Variants in DPYSL5 observed in about 807,000 individuals in gnomAD.
DPYSL5 encodes the protein dihydropyrimidinase-related protein 5.
Under a neutral mutation model 58.4 loss-of-function variants are expected in DPYSL5, and 9 were observed. That is an observed-to-expected ratio of 0.15 (90% CI 0.09 to 0.27). DPYSL5 has a LOEUF of 0.27. DPYSL5 is among the 10% of genes least tolerant of loss of function. The probability of loss-of-function intolerance (pLI) is 1.00; values close to 1 mark genes in which losing one functional copy is unlikely to be tolerated. For missense variants in DPYSL5, 499 were observed against 770.6 expected (o/e 0.65, Z 4.17); for synonymous variants, 293 against 301.9 (o/e 0.97, Z 0.31).
At position 26,925,106 on chromosome 2, in the gene DPYSL5, GT is replaced by G; in HGVS notation, c.420+63del. On this transcript the variant is annotated intron_variant, in intron 3 of 12. Coordinates refer to ENST00000288699, the MANE Select transcript of DPYSL5 (RefSeq NM_020134.4). This position sits in a 1 kb window ranked among gnomAD's most constrained non-coding sequence, Gnocchi z 4.5. ...AGTGGTCTTGTAGGCAGAGGGGCTG[GT>G]TGGGGTGCAGTGCCTCCTGCTTGTG... The G allele has an allele frequency of 6.3e-7, 1 of 1,581,342 alleles. No homozygotes were observed. The highest frequency in any genetic ancestry group is 8.6e-7 in the Non-Finnish European group (1 of 1,161,388).
chr2:26,877,470 G>A lies in DPYSL5; in HGVS notation c.-4-21026G>A, dbSNP rs2148121732. Among the ~76,000 whole-genome samples the A allele has an allele frequency of 6.6e-6, 1 of 152,174 alleles. No individual in the cohort carries two copies. Among genetic ancestry groups the A allele is most frequent in the East Asian group, 1.9e-4 (1 of 5,172 alleles). On this transcript the variant is annotated intron_variant, in intron 1 of 12. Coordinates refer to ENST00000288699, the MANE Select transcript of DPYSL5 (RefSeq NM_020134.4). This position sits in a 1 kb window ranked among gnomAD's most constrained non-coding sequence, Gnocchi z 4.1. ...CCTGTTTTCTGTGCCTACTACATGT[G>A]CTCCACCCCACACCTGCTGAGTACA...
At chr2:26,939,681 A>C in intron 8 of DPYSL5, 1 of 206,322 alleles carries the variant, frequency 4.8e-6, no homozygotes, top group Non-Finnish European at 9.9e-6. Flanking sequence ...ATGAGAGGGA[A>C]TTGGTATACA....
At position 26,849,183 on chromosome 2, in the gene DPYSL5, T is replaced by A. The variant is rs971706601; in HGVS notation, c.-5+929T>A. 6.8e-6 allele frequency among the ~76,000 whole-genome samples: 1 copy of A among 147,342 alleles called. No homozygotes were observed. The highest frequency in any genetic ancestry group is 1.5e-5 in the Non-Finnish European group (1 of 66,904). On this transcript the variant is annotated intron_variant, in intron 1 of 12. Transcript: ENST00000288699. The surrounding 1 kb of genome is among the most constrained non-coding windows in gnomAD (Gnocchi z 6.2). ...CCGAAGAACGAGGGAAGGAGCTCGG[T>A]GCAGGTGGCGCCCGGCGAGGCTGGT...
At chr2:26,915,392 T>C (rs1664536927) in intron 2 of DPYSL5, among the ~76,000 whole-genome samples, 1 of 152,176 alleles carries the variant, frequency 6.6e-6, no homozygotes, top group African/African-American at 2.4e-5. Flanking sequence ...CATCGGAGAA[T>C]TGAACTGCAT....
intron 1 of DPYSL5, among the ~76,000 whole-genome samples, chr2:26,863,429 A>G (rs1311046884): frequency 6.6e-6 from 1 of 152,156 alleles, no homozygotes; most frequent in Non-Finnish European, 1.5e-5. Flanking sequence ...TGCTTCTCAA[A>G]TCTTGCCCAG....
chr2:26,940,938 T>TTATTA lies in DPYSL5; in HGVS notation c.1089+767_1089+768insATTAT, dbSNP rs373011154. ...CTGATTATTATTATTATTATTATTA[T>TTATTA]TTATTTTTTTTTGTGTGTGATAGAA... On this transcript the variant is annotated intron_variant, in intron 9 of 12. Transcript: ENST00000288699. 6.6e-3 allele frequency among the ~76,000 whole-genome samples: 268 copies of TTATTA among 40,384 alleles called. 1 individual carries two copies. The highest frequency in any genetic ancestry group is 0.014 in the African/African-American group (215 of 15,872). The allele number at this position is 40,384 out of a possible 152,430, so 26.5% of individuals were successfully genotyped here. A position where few individuals can be genotyped will look rare whatever the true frequency, so the allele number is the denominator to read the frequency against.
At chr2:26,891,236 G>A (rs1185808229) in intron 1 of DPYSL5, among the ~76,000 whole-genome samples, 9 of 152,192 alleles carry the variant, frequency 5.9e-5, no homozygotes, top group South Asian at 2.1e-4. Context: ...TGGGCATAGC[G>A]AAGGGCCCAG....
intron 1 of DPYSL5, among the ~76,000 whole-genome samples, chr2:26,892,104 T>G (rs1243582410): frequency 6.6e-6 from 1 of 152,218 alleles, no homozygotes; most frequent in Non-Finnish European, 1.5e-5. Flanking sequence ...CAGAGTTAAT[T>G]CCCTTAAGTC....
intron 1 of DPYSL5, among the ~76,000 whole-genome samples, chr2:26,873,483 T>A (rs1402245744): frequency 6.6e-6 from 1 of 152,150 alleles, no homozygotes; most frequent in Non-Finnish European, 1.5e-5. Context: ...ACTACTGGTA[T>A]GTAGTGGGGA....
intron 9 of DPYSL5, 79 bp from the exon 10 acceptor site, chr2:26,941,871 G>A: frequency 6.3e-7 from 1 of 1,590,246 alleles, no homozygotes; most frequent in African/African-American, 1.3e-5. Context: ...TAAGTCCATG[G>A]GCCAGCATCA....
chr2:26,874,185 A>C (rs919896970), intron 1 of DPYSL5, among the ~76,000 whole-genome samples: 1 of 152,130 alleles, frequency 6.6e-6, no homozygotes, highest in African/African-American at 2.4e-5. Context: ...TATCAGATCT[A>C]TGTGTTGCAA....
In DPYSL5 at chr2:26,924,877, G is replaced by T; in HGVS notation, c.262-10G>T. On this transcript the variant is annotated splice_polypyrimidine_tract_variant and intron_variant, in intron 2 of 12. Coordinates refer to ENST00000288699, the MANE Select transcript of DPYSL5 (RefSeq NM_020134.4). The surrounding 1 kb of genome is among the most constrained non-coding windows in gnomAD (Gnocchi z 4.7). ...GGCTGTGACGAGACTGCCTTTTCCC[G>T]TCTTCCCAGGCAGCACTCGTCGGAG... 6.2e-7 allele frequency: 1 copy of T among 1,612,414 alleles called. No homozygotes were observed. The highest frequency in any genetic ancestry group is 8.5e-7 in the Non-Finnish European group (1 of 1,179,110).
intron 2 of DPYSL5, among the ~76,000 whole-genome samples, chr2:26,918,452 A>G (rs1314863292): frequency 6.7e-6 from 1 of 148,924 alleles, no homozygotes; most frequent in Non-Finnish European, 1.5e-5. Flanking sequence ...TGAGCAATAG[A>G]GAAACTACCG....
intron 8 of DPYSL5, among the ~76,000 whole-genome samples, chr2:26,936,618 G>T (rs776497954): frequency 2.6e-5 from 4 of 152,106 alleles, no homozygotes; most frequent in Non-Finnish European, 5.9e-5. Flanking sequence ...GGAGGGTAAA[G>T]ATTAAGAGAG....
chr2:26,932,197 A>AAGAC lies in DPYSL5; in HGVS notation c.714+516_714+517insCAGA, dbSNP rs1558351637. Among the ~76,000 whole-genome samples, 501 of 69,564 alleles carry AAGAC rather than the reference A, an allele frequency of 7.2e-3. 13 individuals are homozygous for AAGAC. The highest frequency in any genetic ancestry group is 0.016 in the East Asian group (43 of 2,706). 45.6% of individuals were successfully genotyped at this position (69,564 alleles called of 152,430 possible). ...AAAGAAAGAAAGAAAGAAAGAAAGAAAGAAAGAAAGAAAAGAAAGAAAGAA... is the reference window on the plus strand; with the variant it reads ...AAAGAAAGAAAGAAAGAAAGAAAGAAAGACAGAAAGAAAGAAAAGAAAGAAAGAA... On this transcript the variant is annotated intron_variant, in intron 6 of 12. Transcript: ENST00000288699.
intron 1 of DPYSL5, among the ~76,000 whole-genome samples, chr2:26,865,985 G>A (rs980858258): frequency 3.3e-5 from 5 of 152,198 alleles, no homozygotes; most frequent in Non-Finnish European, 7.4e-5. Flanking sequence ...ACAGTGAGGG[G>A]CACCCGGTGG....
chr2:26,936,633 G>T (rs1665186484), intron 8 of DPYSL5, among the ~76,000 whole-genome samples: 3 of 152,138 alleles, frequency 2.0e-5, no homozygotes, highest in South Asian at 4.1e-4. Context: ...AGAGAGAAAT[G>T]CTAGATCAGC....
At chr2:26,856,620 GTA>G (rs1259930425) in intron 1 of DPYSL5, among the ~76,000 whole-genome samples, 4 of 151,810 alleles carry the variant, frequency 2.6e-5, no homozygotes, top group Non-Finnish European at 5.9e-5. Flanking sequence ...TTTCTGTTGG[GTA>G]TATATATACC....
intron 2 of DPYSL5, among the ~76,000 whole-genome samples, chr2:26,914,310 TTC>T (rs941040183): frequency 6.6e-6 from 1 of 152,234 alleles, no homozygotes; most frequent in Non-Finnish European, 1.5e-5. Flanking sequence ...TTCCGGTAGA[TTC>T]TCTCTGTGTC....
Sources: gnomAD v4.1 joint callset for allele counts (sites outside exome capture counted in the v4.1 genomes callset) on GRCh38, gnomAD v4.1.1 for gene constraint, Gnocchi (gnomAD v3.1) non-coding constraint, MANE v1.5 for transcripts, NCBI Gene and HGNC (gene_info 2026-07-23, HGNC 2026-07-21) for gene names.